Variants in KLHL29 observed in about 807,000 individuals in gnomAD.
The protein encoded by KLHL29 is kelch like family member 29, also known as kelch-like protein 29.
KLHL29 carries 21 observed loss-of-function variants against 80.4 expected under a neutral mutation model. That is an observed-to-expected ratio of 0.26 (90% CI 0.19 to 0.38). KLHL29 has a LOEUF of 0.38. KLHL29 is among the 10% of genes least tolerant of loss of function. The pLI is 1.00. For synonymous variants in KLHL29, 511 were observed against 526.8 expected, an observed-to-expected ratio of 0.97 and a Z score of 0.41; for missense variants, 867 against 1,223.9, an observed-to-expected ratio of 0.71 and a Z score of 4.35.
At chr2:23,496,860 G>A (rs1170974198) in intron 2 of KLHL29, among the ~76,000 whole-genome samples, 1 of 152,166 alleles carries the variant, frequency 6.6e-6, no homozygotes, top group Non-Finnish European at 1.5e-5. Context: ...ATACCTGGAA[G>A]GCCCTAAAAA....
chr2:23,610,843 G>A (rs186617689), intron 3 of KLHL29, among the ~76,000 whole-genome samples: 2 of 152,360 alleles, frequency 1.3e-5, no homozygotes, highest in Admixed American at 6.5e-5. Context: ...AATATTTGCA[G>A]CAGTAAAGTA....
intron 1 of KLHL29, among the ~76,000 whole-genome samples, chr2:23,420,853 C>T (rs1263089912): frequency 2.6e-5 from 4 of 152,124 alleles, no homozygotes; most frequent in East Asian, 1.9e-4. Flanking sequence ...CTCATCTTTC[C>T]GCCACCCCCC....
At position 23,505,321 on chromosome 2, in the gene KLHL29, C is replaced by T. The variant is rs548487156; in HGVS notation, c.-46+29654C>T. On this transcript the variant is annotated intron_variant, in intron 2 of 13. Transcript: ENST00000486442. ...CCCTAGCAGCTGCCTCCCCGACCTC[C>T]GTGGAGGTGTTCTCTCGAGGCATGT... Among the ~76,000 whole-genome samples, 7 of 152,320 alleles carry T rather than the reference C, an allele frequency of 4.6e-5. No individual in the cohort carries two copies. The East Asian group carries it at 7.7e-4, about 17-fold the overall frequency.
intron 5 of KLHL29, among the ~76,000 whole-genome samples, chr2:23,683,769 G>T (rs1671158255): frequency 6.6e-6 from 1 of 152,224 alleles, no homozygotes; most frequent in South Asian, 2.1e-4. Context: ...GGCGCAGAGG[G>T]TCCCTGTCCC....
chr2:23,386,001 A>AG (rs1298008481), intron 1 of KLHL29, among the ~76,000 whole-genome samples: 5 of 150,194 alleles, frequency 3.3e-5, no homozygotes, highest in African/African-American at 1.0e-4. Flanking sequence ...GGGGAAAAAA[A>AG]GGGGGGGAAA....
intron 1 of KLHL29, among the ~76,000 whole-genome samples, chr2:23,447,147 C>T (rs750303806): frequency 1.1e-4 from 16 of 152,218 alleles, no homozygotes; most frequent in Non-Finnish European, 2.2e-4. Context: ...CACATCTGCA[C>T]CTTGACTCAT....
intron 5 of KLHL29, among the ~76,000 whole-genome samples, chr2:23,665,864 G>C (rs1208837256): frequency 1.3e-5 from 2 of 152,160 alleles, no homozygotes; most frequent in Non-Finnish European, 2.9e-5. Context: ...CCTCCCACCA[G>C]GCCCCACCGC....
intron 3 of KLHL29, among the ~76,000 whole-genome samples, chr2:23,594,843 T>G (rs375273819): frequency 5.9e-5 from 9 of 152,280 alleles, no homozygotes; most frequent in East Asian, 5.8e-4. Flanking sequence ...GGGTTTTAAT[T>G]TTATATTTTT....
At chr2:23,608,306 G>A (rs1274520121) in intron 3 of KLHL29, among the ~76,000 whole-genome samples, 2 of 152,302 alleles carry the variant, frequency 1.3e-5, no homozygotes, top group South Asian at 2.1e-4. Flanking sequence ...CATATCTATA[G>A]CTTACTGTCT....
At chr2:23,404,823 G>C (rs916103953) in intron 1 of KLHL29, among the ~76,000 whole-genome samples, 2 of 152,204 alleles carry the variant, frequency 1.3e-5, no homozygotes, top group African/African-American at 2.4e-5. Context: ...GGAATCCTTT[G>C]CAGGAGTTTT....
At chr2:23,404,270 TA>T (rs5829894) in intron 1 of KLHL29, among the ~76,000 whole-genome samples, 94 of 150,610 alleles carry the variant, frequency 6.2e-4, no homozygotes, top group Admixed American at 1.6e-3. Flanking sequence ...CGATGACTAT[TA>T]AAAAAAAAAT....
chr2:23,556,289 G>C (rs1381781381), intron 2 of KLHL29, among the ~76,000 whole-genome samples: 1 of 152,116 alleles, frequency 6.6e-6, no homozygotes, highest in Non-Finnish European at 1.5e-5. Context: ...CTACGAAGAT[G>C]ACCCCCCTCG....
intron 5 of KLHL29, among the ~76,000 whole-genome samples, chr2:23,654,705 G>A (rs200436054): frequency 1.1e-5 from 1 of 89,676 alleles, no homozygotes; most frequent in African/African-American, 3.2e-5. Context: ...TTGGGGGGGG[G>A]GGGTGGATGT....
chr2:23,395,042 A>C (rs1216055526), intron 1 of KLHL29, among the ~76,000 whole-genome samples: 1 of 152,226 alleles, frequency 6.6e-6, no homozygotes. Flanking sequence ...CTTGAAGGCA[A>C]GGACTTTGTC....
intron 2 of KLHL29, among the ~76,000 whole-genome samples, chr2:23,476,533 T>C (rs1418023097): frequency 6.6e-6 from 1 of 152,144 alleles, no homozygotes; most frequent in African/African-American, 2.4e-5. Context: ...GATTCCACAA[T>C]GTATCAAGCC....
intron 13 of KLHL29, among the ~76,000 whole-genome samples, chr2:23,706,270 G>A (rs1672716669): frequency 6.6e-6 from 1 of 152,220 alleles, no homozygotes; most frequent in Non-Finnish European, 1.5e-5. Context: ...GCCGCTCGCA[G>A]GGTGGCATAG....
chr2:23,470,858 C>T (rs1446438386), intron 1 of KLHL29, among the ~76,000 whole-genome samples: 4 of 152,300 alleles, frequency 2.6e-5, no homozygotes, highest in African/African-American at 9.6e-5. Flanking sequence ...CTGTCGTGAA[C>T]CTGATGGATA....
chr2:23,597,714 C>T (rs1478297178), intron 3 of KLHL29, among the ~76,000 whole-genome samples: 2 of 152,004 alleles, frequency 1.3e-5, no homozygotes, highest in Non-Finnish European at 2.9e-5. Context: ...CATGAGCCAC[C>T]GTGCCCGGCC....
intron 1 of KLHL29, among the ~76,000 whole-genome samples, chr2:23,430,018 T>G (rs2103407663): frequency 6.6e-6 from 1 of 152,186 alleles, no homozygotes; most frequent in African/African-American, 2.4e-5. Flanking sequence ...GAAAACCGAG[T>G]AGAGGTTGAG....
Sources: allele counts gnomAD v4.1 joint callset (sites outside exome capture counted in the v4.1 genomes callset), GRCh38; gene constraint gnomAD v4.1.1; transcripts MANE v1.5; gene names NCBI Gene and HGNC (gene_info 2026-07-23, HGNC 2026-07-21).